The following TAGLN3 variants were observed in gnomAD, a reference collection of about 807,000 sequenced individuals.
The protein encoded by TAGLN3 is transgelin-3.
A neutral mutation model predicts 25.4 loss-of-function variants in TAGLN3; 12 were observed. The ratio of observed to expected loss-of-function variants is 0.47; its 90% CI spans 0.30 to 0.77. The LOEUF (loss-of-function observed/expected upper bound fraction) is 0.77, where lower values mean the gene tolerates loss of function less well. Ranked by LOEUF, TAGLN3 falls within the 30% of genes least tolerant of loss-of-function variation. The pLI is 0.06. For synonymous variants in TAGLN3, 96 were observed against 94.8 expected, an observed-to-expected ratio of 1.01 and a Z score of -0.08; for missense variants, 218 against 255.8, an observed-to-expected ratio of 0.85 and a Z score of 1.01.
chr3:111,999,617 G>A lies in TAGLN3; in HGVS notation c.180+15G>A, dbSNP rs1359566436. 6.2e-7 allele frequency: 1 copy of A among 1,609,372 alleles called. No homozygotes were observed. The highest frequency in any genetic ancestry group is 1.3e-5 in the African/African-American group (1 of 74,968). On this transcript the variant is annotated intron_variant, in intron 2 of 4. Coordinates refer to ENST00000478951, the MANE Select transcript of TAGLN3 (RefSeq NM_001008272.2). ...TGGACGGGACGGTAAGGCCGGCAGC[G>A]ATCTCGGTTGCTGGGGCGGTGGGCA... is the stretch of plus-strand genomic sequence containing the variant.
Position 111,999,493 on chromosome 3 carries a change from C to A in TAGLN3, c.71C>A (p.Ala24Glu), listed in dbSNP as rs2072829559. ...VQEKIEQKYD[A>E]DLENKLVDWI... ...GAGAAGATCGAGCAGAAGTATGATG[C>A]GGACCTGGAGAACAAGCTGGTGGAC... Residue 24 changes from alanine (A) to glutamate (E), a missense_variant, in exon 2 of 5, where the codon GCG (alanine) becomes GAG (glutamate). By Grantham distance (107) the Ala-to-Glu change is moderately radical (BLOSUM62 -1). Transcript: ENST00000478951. 6.2e-7 allele frequency: 1 copy of A among 1,614,176 alleles called. No individual in the cohort carries two copies. The highest frequency in any genetic ancestry group is 8.5e-7 in the Non-Finnish European group (1 of 1,180,020).
intron 3 of TAGLN3, among the ~76,000 whole-genome samples, chr3:112,007,868 A>T (rs966774903): frequency 4.6e-5 from 7 of 152,212 alleles, no homozygotes; most frequent in African/African-American, 1.7e-4. Flanking sequence ...AGACATGGGG[A>T]TGTTTTTAAA....
intron 2 of TAGLN3, among the ~76,000 whole-genome samples, chr3:112,000,254 TTA>T (rs201745377): frequency 0.016 from 2,403 of 151,924 alleles, 55 homozygotes; most frequent in African/African-American, 0.054. Context: ...AGAGCTTGGG[TTA>T]TATATATATA....
rs1023935455 is a variant in TAGLN3, at chr3:112,002,650, C to CG, written c.355+1704_355+1705insG. 2.3e-4 allele frequency among the ~76,000 whole-genome samples: 35 copies of CG among 150,478 alleles called. 1 individual carries two copies. The highest frequency in any genetic ancestry group is 2.1e-3 in the Admixed American group (32 of 15,040). On this transcript the variant is annotated intron_variant, in intron 3 of 4. Coordinates refer to ENST00000478951, the MANE Select transcript of TAGLN3 (RefSeq NM_001008272.2). ...GGAAGGGACCCGGGTGAGTCCCCCCCCCACCCCACAAAGTGCAGGAAGTGT... is the reference window on the plus strand; with the variant it reads ...GGAAGGGACCCGGGTGAGTCCCCCCCGCCACCCCACAAAGTGCAGGAAGTGT...
chr3:111,999,356 A>G (rs1223474982), intron 1 of TAGLN3, 65 bp from the exon 2 acceptor site: 2 of 1,560,034 alleles, frequency 1.3e-6, no homozygotes, highest in Non-Finnish European at 1.7e-6. Flanking sequence ...CCCCGTCTGC[A>G]GGGAGCCGGA....
At chr3:112,004,247 CA>C (rs1434278054) in intron 3 of TAGLN3, among the ~76,000 whole-genome samples, 3 of 152,210 alleles carry the variant, frequency 2.0e-5, no homozygotes, top group Non-Finnish European at 4.4e-5. Context: ...TTGGATTTGC[CA>C]TGGGTGCCCT....
rs765814357 is a variant in TAGLN3, at chr3:112,013,643, C to T, written c.*92C>T. 281 of 1,572,170 alleles carry T rather than the reference C, an allele frequency of 1.8e-4. 1 individual carries two copies. Among genetic ancestry groups the T allele is most frequent in the Non-Finnish European group, 4.0e-5 (46 of 1,154,188 alleles). On this transcript the variant is annotated 3_prime_UTR_variant, in exon 5 of 5. Coordinates refer to ENST00000478951, the MANE Select transcript of TAGLN3 (RefSeq NM_001008272.2). ...TAGTTAGTCACCTTCTGACCTTCTC[C>T]TCTTTCTCAAAGCCTTCTGTCCCTG...
intron 3 of TAGLN3, among the ~76,000 whole-genome samples, chr3:112,004,822 G>C (rs2072899465): frequency 6.6e-6 from 1 of 152,062 alleles, no homozygotes; most frequent in Non-Finnish European, 1.5e-5. Flanking sequence ...AGAACAAATG[G>C]ACTTAGTGGC....
At position 112,013,431 on chromosome 3, in the gene TAGLN3, A is replaced by C. The variant is rs1433464755; in HGVS notation, c.480A>C (p.Arg160Ser). 6.2e-7 allele frequency: 1 copy of C among 1,613,378 alleles called. No homozygotes were observed. The highest frequency in any genetic ancestry group is 1.7e-5 in the Admixed American group (1 of 59,988). ...WFHRKAQQNR[R>S]GFSEEQLRQG... ...CCAGGAAAGCCCAGCAGAATCGGAG[A>C]GGCTTTTCCGAGGAGCAGCTTCGCC... Residue 160 changes from arginine to serine, a missense_variant, in exon 5 of 5, where the codon AGA becomes AGC. Coordinates refer to ENST00000478951, the MANE Select transcript of TAGLN3 (RefSeq NM_001008272.2).
chr3:112,006,171 C>T (rs1337069281), intron 3 of TAGLN3, among the ~76,000 whole-genome samples: 1 of 152,116 alleles, frequency 6.6e-6, no homozygotes, highest in African/African-American at 2.4e-5. Context: ...TGCCAGCATG[C>T]ATCGGAATCA....
intron 3 of TAGLN3, among the ~76,000 whole-genome samples, chr3:112,003,010 C>A (rs774761): frequency 6.6e-6 from 1 of 151,790 alleles, no homozygotes; most frequent in Non-Finnish European, 1.5e-5. Flanking sequence ...GACACTAAGA[C>A]TCCCAGCCCT....
chr3:112,002,081 T>A (rs1304165981), intron 3 of TAGLN3, among the ~76,000 whole-genome samples: 3 of 152,172 alleles, frequency 2.0e-5, no homozygotes, highest in Non-Finnish European at 4.4e-5. Context: ...ACTCAGATAT[T>A]CAAAACTGCA....
chr3:112,003,575 G>GT (rs1433534208), intron 3 of TAGLN3, among the ~76,000 whole-genome samples: 13 of 152,176 alleles, frequency 8.5e-5, no homozygotes, highest in African/African-American at 3.1e-4. Flanking sequence ...TAGACTAGCT[G>GT]TTTGCTTAGC....
chr3:112,005,697 T>C (rs913753116), intron 3 of TAGLN3, among the ~76,000 whole-genome samples: 1 of 100,670 alleles, frequency 9.9e-6, no homozygotes, highest in African/African-American at 4.6e-5. Context: ...AATTTTCTTT[T>C]TTTTCTTTTT....
intron 3 of TAGLN3, among the ~76,000 whole-genome samples, chr3:112,005,693 CTTT>C (rs1165368614): frequency 3.8e-5 from 3 of 79,938 alleles, no homozygotes; most frequent in African/African-American, 9.0e-5. Flanking sequence ...GCCTAATTTT[CTTT>C]TTTTTCTTTT....
chr3:112,013,303 T>C, intron 4 of TAGLN3, 107 bp from the exon 5 acceptor site: 1 of 1,414,330 alleles, frequency 7.1e-7, no homozygotes, highest in East Asian at 2.4e-5. Flanking sequence ...GGGTAGGACC[T>C]GCTGATCTAT....
At chr3:112,011,975 C>A in intron 4 of TAGLN3, 110 bp downstream of exon 4, 1 of 939,234 alleles carries the variant, frequency 1.1e-6, no homozygotes, top group Non-Finnish European at 1.6e-6. Flanking sequence ...CAGGACCAAG[C>A]ACTGCTGTCT....
At chr3:111,999,652 T>G (rs1212634819) in intron 2 of TAGLN3, 50 bp downstream of exon 2, 5 of 1,589,826 alleles carry the variant, frequency 3.1e-6, no homozygotes, top group South Asian at 2.2e-5. Context: ...AGGGAAACCC[T>G]CCAGGGCCCT....
intron 3 of TAGLN3, among the ~76,000 whole-genome samples, chr3:112,002,692 G>T (rs2072874528): frequency 6.6e-6 from 1 of 151,012 alleles, no homozygotes; most frequent in Non-Finnish European, 1.5e-5. Flanking sequence ...GGAGGAAGAA[G>T]CCAGGAGGTC....
Sources: gnomAD v4.1 joint callset for allele counts (sites outside exome capture counted in the v4.1 genomes callset) on GRCh38, gnomAD v4.1.1 for gene constraint, MANE v1.5 for transcripts, NCBI Gene and HGNC (gene_info 2026-07-23, HGNC 2026-07-21) for gene names.